Variants in PCSK5 observed in about 807,000 individuals in gnomAD.
The protein encoded by PCSK5 is prohormone convertase 5.
A neutral mutation model predicts 233.2 loss-of-function variants in PCSK5; 129 were observed. The observed-to-expected ratio is 0.55, with a 90% CI of 0.48 to 0.64. PCSK5 has a LOEUF of 0.64. Among genes scored for constraint, PCSK5 ranks in the 30% least tolerant of loss-of-function variants. The pLI is 0.00. For missense variants in PCSK5, 2,076 were observed against 2,430.1 expected (o/e 0.85, Z 3.06); for synonymous variants, 825 against 879.2 (o/e 0.94, Z 1.09).
chr9:75,954,438 A>C (rs912096564), intron 2 of PCSK5, among the ~76,000 whole-genome samples: 3 of 152,148 alleles, frequency 2.0e-5, no homozygotes, highest in African/African-American at 7.2e-5. Flanking sequence ...CTAGTATTAG[A>C]GGAAACTGAT....
Position 76,358,841 on chromosome 9 carries a change from G to C in PCSK5, c.5583G>C (p.Arg1861=), listed in dbSNP as rs774431215. 11 of 1,612,790 alleles carry C rather than the reference G, an allele frequency of 6.8e-6. No individual in the cohort carries two copies. The highest frequency in any genetic ancestry group is 8.5e-6 in the Non-Finnish European group (10 of 1,179,898). The change falls in exon 38 of 38, where the codon CGG becomes CGC. Residue 1861 remains arginine (R), a synonymous_variant. Transcript: ENST00000674117. Reference sequence around the variant, plus strand: ...TGGGCCAGGATGGCACAGTCTACCGGAAATTTAAATATGGGCTGCTGGATG... The same window carrying C: ...TGGGCCAGGATGGCACAGTCTACCGCAAATTTAAATATGGGCTGCTGGATG... ...VYMGQDGTVY[R]KFKYGLLDDD... is the part of the protein sequence containing the mutation.
At chr9:76,010,272 A>G (rs1827674966) in intron 3 of PCSK5, among the ~76,000 whole-genome samples, 1 of 152,192 alleles carries the variant, frequency 6.6e-6, no homozygotes, top group South Asian at 2.1e-4. Context: ...CTGGATGATA[A>G]TTAAATGCTT....
At position 75,891,240 on chromosome 9, in the gene PCSK5, C is replaced by T. The variant is rs751868577; in HGVS notation, c.59C>T (p.Ala20Val). The stretch of plus-strand genomic sequence containing the variant: ...CGTTTGGACCTGCTGTGCGTGCTGG[C>T]GCTGCTCGGGGGCTGCCTGCTCCCC... ...PGRLDLLCVL[A>V]LLGGCLLPVC... The change falls in exon 1 of 38, where the codon GCG (alanine) becomes GTG (valine). Residue 20 changes from alanine to valine, a missense_variant. Physicochemically the swap from Ala to Val is moderately conservative, Grantham distance 64. Transcript: ENST00000674117. 6 of 1,523,082 alleles carry T rather than the reference C, an allele frequency of 3.9e-6. No individual in the cohort carries two copies. In the African/African-American group the frequency reaches 7.3e-5, roughly 19 times the overall value. 94.3% of individuals were successfully genotyped at this position (1,523,082 alleles called of 1,614,324 possible).
At chr9:76,251,749 G>A (rs879931627) in intron 24 of PCSK5, among the ~76,000 whole-genome samples, 4 of 151,830 alleles carry the variant, frequency 2.6e-5, no homozygotes, top group Non-Finnish European at 5.9e-5. Context: ...TAACTCTATG[G>A]AATAGATATA....
chr9:76,267,569 C>A (rs951881779), intron 24 of PCSK5, among the ~76,000 whole-genome samples: 1 of 152,168 alleles, frequency 6.6e-6, no homozygotes, highest in African/African-American at 2.4e-5. Flanking sequence ...TCACAGGAAT[C>A]TTTTCTTCGT....
In PCSK5 at chr9:76,328,210, A is replaced by C. The variant is rs1829426323; in HGVS notation, c.4541A>C (p.Gln1514Pro). Residue 1514 changes from glutamine to proline, a missense_variant, in exon 33 of 38, where the codon CAA becomes CCA. By Grantham distance (76) the Gln-to-Pro change is moderately conservative (BLOSUM62 -1). Coordinates refer to ENST00000674117, the MANE Select transcript of PCSK5 (RefSeq NM_001372043.1). ...HCMGPAEDQC[Q>P]TCPMNSLLLN... ...ATGGGGCCGGCGGAGGACCAGTGTC[A>C]AACATGCCCCATGAACAGCCTTCTT... 4 of 1,612,532 alleles carry C rather than the reference A, an allele frequency of 2.5e-6. No homozygotes were observed. The highest frequency in any genetic ancestry group is 2.5e-6 in the Non-Finnish European group (3 of 1,179,688).
intron 9 of PCSK5, among the ~76,000 whole-genome samples, chr9:76,117,083 C>CT (rs768424881): frequency 8.7e-4 from 132 of 151,680 alleles, no homozygotes; most frequent in Middle Eastern, 6.8e-3. Flanking sequence ...TTGAAACAAA[C>CT]TTTTTTTTTC....
Position 76,159,899 on chromosome 9 carries a change from T to C in PCSK5, c.1619+728T>C, listed in dbSNP as rs867291417. ...GTGCGGTGGTGTGATCTCGGCTCAC[T>C]GCAGTCATCGCCTCCCAGGTTCAAG... On this transcript the variant is annotated intron_variant, in intron 12 of 37. Coordinates refer to ENST00000674117, the MANE Select transcript of PCSK5 (RefSeq NM_001372043.1). Among the ~76,000 whole-genome samples the C allele has an allele frequency of 2.8e-4, 40 of 142,776 alleles. No individual in the cohort carries two copies. The Middle Eastern group carries it at 0.011, about 39-fold the overall frequency. The allele number at this position is 142,776 out of a possible 152,430, so 93.7% of individuals were successfully genotyped here.
intron 16 of PCSK5, among the ~76,000 whole-genome samples, chr9:76,182,139 T>G (rs997095842): frequency 6.6e-6 from 1 of 152,168 alleles, no homozygotes; most frequent in Non-Finnish European, 1.5e-5. Flanking sequence ...GAGCCACTCT[T>G]TTCAGGGTAG....
At chr9:75,980,351 T>G (rs567306320) in intron 2 of PCSK5, among the ~76,000 whole-genome samples, 1 of 152,354 alleles carries the variant, frequency 6.6e-6, no homozygotes, top group Admixed American at 6.5e-5. Flanking sequence ...ATATTTTCTT[T>G]GGTAACACTG....
Position 76,361,697 on chromosome 9 carries a change from T to G in PCSK5, c.*2775T>G, listed in dbSNP as rs967591719. On this transcript the variant is annotated 3_prime_UTR_variant, in exon 38 of 38. Coordinates refer to ENST00000674117, the MANE Select transcript of PCSK5 (RefSeq NM_001372043.1). ...AGCCTGAATGACAGAGCTAAGACCC[T>G]GACTCAAAATAAATAAATAACATTA... is the stretch of plus-strand genomic sequence containing the variant. 1 of 152,224 alleles carries G rather than the reference T, an allele frequency of 6.6e-6. No homozygotes were observed. Among genetic ancestry groups the G allele is most frequent in the African/African-American group, 2.4e-5 (1 of 41,450 alleles). 9.4% of individuals were successfully genotyped at this position (152,224 alleles called of 1,614,324 possible). A position where few individuals can be genotyped will look rare whatever the true frequency, so the allele number is the denominator to read the frequency against.
intron 20 of PCSK5, among the ~76,000 whole-genome samples, chr9:76,217,022 T>C (rs1462093089): frequency 6.6e-6 from 1 of 151,914 alleles, no homozygotes; most frequent in Non-Finnish European, 1.5e-5. Flanking sequence ...TTGTATTTAG[T>C]AGAGATGGAG....
chr9:76,159,044 C>G lies in PCSK5; in HGVS notation c.1492C>G (p.Pro498Ala). The change falls in exon 12 of 38, where the codon CCC becomes GCC. Residue 498 changes from proline to alanine, a missense_variant. Pro to Ala is a conservative substitution (Grantham distance 27, BLOSUM62 -1). Coordinates refer to ENST00000674117, the MANE Select transcript of PCSK5 (RefSeq NM_001372043.1). ...IYKASGCSDNPNRHVNYLEHV... is the reference protein window; with the variant it reads ...IYKASGCSDNANRHVNYLEHV... ...CAAAGCTTCAGGCTGCTCGGATAAC[C>G]CCAACCGCCATGTCAACTACCTGGA... 2 of 1,614,150 alleles carry G rather than the reference C, an allele frequency of 1.2e-6. No individual in the cohort carries two copies. The highest frequency in any genetic ancestry group is 2.2e-5 in the South Asian group (2 of 91,080).
At chr9:76,030,123 AAAAC>A (rs1261259222) in intron 5 of PCSK5, among the ~76,000 whole-genome samples, 1 of 151,994 alleles carries the variant, frequency 6.6e-6, no homozygotes, top group Non-Finnish European at 1.5e-5. Context: ...TTCTCTCTGA[AAAAC>A]AAAAAGGATC....
intron 24 of PCSK5, among the ~76,000 whole-genome samples, chr9:76,254,588 T>TA (rs1826917362): frequency 6.6e-6 from 1 of 152,204 alleles, no homozygotes; most frequent in Admixed American, 6.5e-5. Flanking sequence ...AGTCAATAGG[T>TA]AGGCTGTCAG....
At chr9:76,327,741 A>G (rs1436448520) in intron 32 of PCSK5, among the ~76,000 whole-genome samples, 1 of 152,136 alleles carries the variant, frequency 6.6e-6, no homozygotes, top group Non-Finnish European at 1.5e-5. Flanking sequence ...CCTTACTAAT[A>G]TTTCTGAGAT....
chr9:76,291,930 G>T (rs150339247), intron 24 of PCSK5, among the ~76,000 whole-genome samples: 11 of 152,194 alleles, frequency 7.2e-5, no homozygotes, highest in African/African-American at 2.6e-4. Flanking sequence ...AAGGCCAGGG[G>T]GTTCTTAATG....
chr9:75,964,327 G>GT (rs1825484486), intron 2 of PCSK5, among the ~76,000 whole-genome samples: 1 of 152,038 alleles, frequency 6.6e-6, no homozygotes, highest in Admixed American at 6.6e-5. Flanking sequence ...ATATTATAAT[G>GT]TTTTTCTTTT....
intron 20 of PCSK5, among the ~76,000 whole-genome samples, chr9:76,192,527 G>GTGT (rs1824446328): frequency 6.6e-6 from 1 of 152,194 alleles, no homozygotes; most frequent in Non-Finnish European, 1.5e-5. Context: ...TGTGATATCA[G>GTGT]TGTTACTGCC....
Sources: gnomAD v4.1 joint callset for allele counts (sites outside exome capture counted in the v4.1 genomes callset) on GRCh38, gnomAD v4.1.1 for gene constraint, MANE v1.5 for transcripts, NCBI Gene and HGNC (gene_info 2026-07-23, HGNC 2026-07-21) for gene names.